The following CADM2 variants were observed in gnomAD, a reference collection of about 807,000 sequenced individuals.
The protein encoded by CADM2 is immunoglobulin superfamily member 4D.
A neutral mutation model predicts 49.8 loss-of-function variants in CADM2; 12 were observed. That is an observed-to-expected ratio of 0.24 (90% CI 0.15 to 0.39). CADM2 has a LOEUF of 0.39. CADM2 is among the 10% of genes least tolerant of loss of function. The pLI is 1.00. For missense variants in CADM2, 378 were observed against 492.3 expected (o/e 0.77, Z 2.20); for synonymous variants, 214 against 175.4 (o/e 1.22, Z -1.74).
At chr3:85,824,525 G>A (rs1218561767) in intron 3 of CADM2, among the ~76,000 whole-genome samples, 1 of 152,086 alleles carries the variant, frequency 6.6e-6, no homozygotes, top group Non-Finnish European at 1.5e-5. Context: ...TGGCACTGTT[G>A]TCTCTGAGGA....
chr3:85,545,845 G>A (rs1002185557), intron 1 of CADM2, among the ~76,000 whole-genome samples: 1 of 152,106 alleles, frequency 6.6e-6, no homozygotes, highest in African/African-American at 2.4e-5. Flanking sequence ...GTTGGATGAA[G>A]AAGAACCAGA....
At chr3:85,462,974 T>A (rs1395466945) in intron 1 of CADM2, among the ~76,000 whole-genome samples, 1 of 152,170 alleles carries the variant, frequency 6.6e-6, no homozygotes, top group East Asian at 1.9e-4. Flanking sequence ...AAAACCATTT[T>A]TCATGCCTTC....
intron 1 of CADM2, among the ~76,000 whole-genome samples, chr3:85,450,300 A>C (rs1328239852): frequency 6.6e-6 from 1 of 152,178 alleles, no homozygotes. Context: ...ATATATCAGC[A>C]TATCTACTTG....
At chr3:85,932,743 T>G (rs1720759947) in intron 6 of CADM2, among the ~76,000 whole-genome samples, 1 of 152,186 alleles carries the variant, frequency 6.6e-6, no homozygotes, top group African/African-American at 2.4e-5. Flanking sequence ...TGTGTGTGTG[T>G]GTTTCCTTAT....
chr3:85,814,733 T>C (rs1169120736), intron 3 of CADM2, among the ~76,000 whole-genome samples: 1 of 152,030 alleles, frequency 6.6e-6, no homozygotes, highest in Non-Finnish European at 1.5e-5. Context: ...CAGAGAATAC[T>C]ATAGAAATGG....
At chr3:85,421,718 A>T (rs147277404) in intron 1 of CADM2, among the ~76,000 whole-genome samples, 1 of 152,288 alleles carries the variant, frequency 6.6e-6, no homozygotes, top group African/African-American at 2.4e-5. Context: ...ATTTACTCAC[A>T]TATTGTTCAC....
intron 1 of CADM2, among the ~76,000 whole-genome samples, chr3:85,253,676 C>G (rs967837096): frequency 1.3e-5 from 2 of 152,020 alleles, no homozygotes; most frequent in African/African-American, 4.8e-5. Flanking sequence ...TCTTGCTTAG[C>G]CTTACATACT....
At chr3:85,124,756 G>C (rs1438185815) in intron 1 of CADM2, among the ~76,000 whole-genome samples, 3 of 152,066 alleles carry the variant, frequency 2.0e-5, no homozygotes, top group Admixed American at 1.3e-4. Flanking sequence ...TATTACATTA[G>C]CCAAAATTCA....
chr3:85,964,416 A>G (rs191530343), intron 8 of CADM2, among the ~76,000 whole-genome samples: 1 of 150,998 alleles, frequency 6.6e-6, no homozygotes, highest in Admixed American at 6.6e-5. Flanking sequence ...ATCATCTACT[A>G]TCTGGATGCC....
At chr3:86,007,147 C>G (rs1158100663) in intron 8 of CADM2, among the ~76,000 whole-genome samples, 1 of 134,102 alleles carries the variant, frequency 7.5e-6, no homozygotes, top group Non-Finnish European at 1.6e-5. Flanking sequence ...AATCTCCATT[C>G]TCCCGAAATT....
chr3:85,771,031 G>A (rs13098327), intron 2 of CADM2, among the ~76,000 whole-genome samples: 22,009 of 152,024 alleles, frequency 0.14, 2,022 homozygotes, highest in Non-Finnish European at 0.2. Flanking sequence ...TGTGCCCCTC[G>A]TTGGCTCTGG....
chr3:85,432,400 A>G lies in CADM2; in HGVS notation c.62-294122A>G, dbSNP rs146147735. ...GCCTGCATTTTGGAAAAGGTTCAAG[A>G]ATTTCTGCAAAAATTACCAATTTTG... On this transcript the variant is annotated intron_variant, in intron 1 of 9. Coordinates refer to ENST00000383699, the MANE Select transcript of CADM2 (RefSeq NM_001167675.2). Among the ~76,000 whole-genome samples the G allele has an allele frequency of 1.3e-3, 204 of 152,162 alleles. 7 individuals are homozygous for G. The East Asian group carries it at 0.036, about 27-fold the overall frequency.
intron 1 of CADM2, among the ~76,000 whole-genome samples, chr3:85,540,076 G>C (rs762679458): frequency 6.6e-6 from 1 of 151,982 alleles, no homozygotes; most frequent in Non-Finnish European, 1.5e-5. Context: ...CTATTCTCCC[G>C]TAAGTGCGAT....
chr3:85,027,489 T>C (rs1359631419), intron 1 of CADM2, among the ~76,000 whole-genome samples: 1 of 152,118 alleles, frequency 6.6e-6, no homozygotes, highest in Admixed American at 6.5e-5. Flanking sequence ...TTTAATATTC[T>C]ATAAATATAA....
chr3:85,319,213 A>G (rs1411613774), intron 1 of CADM2, among the ~76,000 whole-genome samples: 4 of 152,202 alleles, frequency 2.6e-5, no homozygotes, highest in Admixed American at 6.5e-5. Context: ...TCATTTAATC[A>G]TTTATTTTTA....
intron 2 of CADM2, among the ~76,000 whole-genome samples, chr3:85,800,632 A>G (rs927607860): frequency 2.6e-5 from 4 of 152,104 alleles, no homozygotes; most frequent in African/African-American, 9.7e-5. Flanking sequence ...ACAGCACAGG[A>G]CCTCATGGCT....
At chr3:85,796,757 A>G (rs897614674) in intron 2 of CADM2, among the ~76,000 whole-genome samples, 4 of 152,126 alleles carry the variant, frequency 2.6e-5, no homozygotes, top group African/African-American at 9.7e-5. Context: ...CTTATCAAGC[A>G]TTTTATTTAT....
At chr3:85,528,302 T>C (rs1559888185) in intron 1 of CADM2, among the ~76,000 whole-genome samples, 1 of 146,318 alleles carries the variant, frequency 6.8e-6, no homozygotes, top group Non-Finnish European at 1.5e-5. Context: ...AGAGTAACAA[T>C]GGGAGAAACA....
intron 1 of CADM2, among the ~76,000 whole-genome samples, chr3:85,614,633 C>T (rs1435602621): frequency 6.6e-6 from 1 of 151,700 alleles, no homozygotes; most frequent in Non-Finnish European, 1.5e-5. Context: ...CTACTAATGC[C>T]AACAATTTTC....
Sources: allele counts gnomAD v4.1 joint callset (sites outside exome capture counted in the v4.1 genomes callset), GRCh38; gene constraint gnomAD v4.1.1; transcripts MANE v1.5; gene names NCBI Gene and HGNC (gene_info 2026-07-23, HGNC 2026-07-21).